STK10: variants seen among roughly 807,000 people sequenced by gnomAD.
STK10 encodes serine/threonine kinase 10.
STK10 carries 78 observed loss-of-function variants against 113.8 expected under a neutral mutation model. That is an observed-to-expected ratio of 0.69 (90% CI 0.57 to 0.83). STK10 has a LOEUF of 0.83. Among genes scored for constraint, STK10 ranks in the 40% least tolerant of loss-of-function variants. The probability of loss-of-function intolerance (pLI) is 0.00; values close to 1 mark genes in which losing one functional copy is unlikely to be tolerated. For missense variants in STK10, 1,109 were observed against 1,280.1 expected (o/e 0.87, Z 2.04); for synonymous variants, 465 against 494.7 (o/e 0.94, Z 0.80).
In STK10 at chr5:172,178,257, C is replaced by T. The variant is rs192567765; in HGVS notation, c.156+9630G>A. ...CCGCGTGGGGGCCACACCGTGTGGC[C>T]CCATCCTCAGGCCACATCAGGCCGC... is the stretch of plus-strand genomic sequence containing the variant. On this transcript the variant is annotated intron_variant, in intron 1 of 18. Transcript: ENST00000176763. Among the ~76,000 whole-genome samples the T allele has an allele frequency of 2.3e-3, 345 of 152,244 alleles. 2 individuals carry two copies. The highest frequency in any genetic ancestry group is 6.8e-3 in the South Asian group (33 of 4,826).
chr5:172,112,951 T>C (rs1268519028), intron 4 of STK10, among the ~76,000 whole-genome samples: 1 of 151,902 alleles, frequency 6.6e-6, no homozygotes, highest in Non-Finnish European at 1.5e-5. Context: ...TTTCATCATG[T>C]TGGTCAGGCT....
chr5:172,095,647 G>A (rs1440366865), intron 8 of STK10, among the ~76,000 whole-genome samples: 1 of 152,232 alleles, frequency 6.6e-6, no homozygotes, highest in Non-Finnish European at 1.5e-5. Flanking sequence ...CTTCACCCTG[G>A]TGAGGGTCTG....
At chr5:172,161,673 G>C (rs953729373) in intron 1 of STK10, among the ~76,000 whole-genome samples, 2 of 152,152 alleles carry the variant, frequency 1.3e-5, no homozygotes, top group Admixed American at 1.3e-4. Flanking sequence ...TCTGCATGCA[G>C]CACTAGGCAG....
chr5:172,061,229 GC>G lies in STK10; in HGVS notation c.2121del (p.Glu707AspfsTer4). On this transcript the variant is annotated frameshift_variant, in exon 14 of 19. Coordinates refer to ENST00000176763, the MANE Select transcript of STK10 (RefSeq NM_005990.4). LOFTEE classifies it high-confidence loss of function. The stretch of plus-strand genomic sequence containing the variant: ...TCGGTGGTGAGCCTCTTCATGGCCA[GC>G]TCCAGGTCCTCCTTCTGCTTGGCTA... ...DFVAKQKEDL[E>X]LAMKRLTTDN... The G allele has an allele frequency of 6.2e-7, 1 of 1,613,278 alleles. No individual in the cohort carries two copies. The highest frequency in any genetic ancestry group is 1.3e-5 in the African/African-American group (1 of 74,914).
At chr5:172,102,449 C>G (rs893697510) in intron 7 of STK10, among the ~76,000 whole-genome samples, 1 of 152,194 alleles carries the variant, frequency 6.6e-6, no homozygotes, top group Non-Finnish European at 1.5e-5. Context: ...GGGGAGTCAA[C>G]AGCTGGACGC....
intron 2 of STK10, among the ~76,000 whole-genome samples, chr5:172,151,088 G>A (rs561880383): frequency 4.6e-5 from 7 of 152,392 alleles, no homozygotes; most frequent in East Asian, 3.9e-4. Context: ...GGAGAGGCAC[G>A]ATGAAGGTGA....
intron 1 of STK10, among the ~76,000 whole-genome samples, chr5:172,165,910 C>T (rs1770562594): frequency 6.6e-6 from 1 of 152,022 alleles, no homozygotes; most frequent in Non-Finnish European, 1.5e-5. Context: ...TCTCCTGCCT[C>T]AGCCTCCCGA....
At chr5:172,055,559 CT>C in intron 16 of STK10, 28 bp downstream of exon 16, 2 of 1,425,902 alleles carry the variant, frequency 1.4e-6, no homozygotes, top group South Asian at 1.6e-5. Context: ...CCCCAGCACA[CT>C]TGCAGACCCC....
chr5:172,169,825 C>T (rs560344682), intron 1 of STK10, among the ~76,000 whole-genome samples: 32 of 152,262 alleles, frequency 2.1e-4, no homozygotes, highest in Admixed American at 1.2e-3. Context: ...AAATTTCTAT[C>T]GAGCAATTTG....
At chr5:172,136,597 AAAATAAATAAAT>A (rs58897747) in intron 2 of STK10, among the ~76,000 whole-genome samples, 18 of 151,240 alleles carry the variant, frequency 1.2e-4, no homozygotes, top group Non-Finnish European at 2.2e-4. Flanking sequence ...ACTCCGTCTC[AAAATAAATAAAT>A]AAATAAATAA....
chr5:172,060,377 A>C (rs1328222018), intron 14 of STK10, among the ~76,000 whole-genome samples: 1 of 152,228 alleles, frequency 6.6e-6, no homozygotes, highest in East Asian at 1.9e-4. Flanking sequence ...ACTGCACTCC[A>C]GCCTTGGCTA....
At chr5:172,098,172 C>G (rs1295987833) in intron 7 of STK10, among the ~76,000 whole-genome samples, 1 of 152,216 alleles carries the variant, frequency 6.6e-6, no homozygotes, top group East Asian at 1.9e-4. Flanking sequence ...TTTCTAGCAC[C>G]TGGAAAACAC....
chr5:172,149,218 G>GA (rs1245570998), intron 2 of STK10, among the ~76,000 whole-genome samples: 5 of 152,020 alleles, frequency 3.3e-5, no homozygotes, highest in Non-Finnish European at 7.4e-5. Flanking sequence ...AGATAGTCAG[G>GA]AAACAGCCCA....
intron 3 of STK10, among the ~76,000 whole-genome samples, chr5:172,127,066 G>C (rs1400451605): frequency 6.6e-6 from 1 of 152,174 alleles, no homozygotes; most frequent in African/African-American, 2.4e-5. Flanking sequence ...TACTCAGGAG[G>C]CTGAGGCAGG....
intron 1 of STK10, among the ~76,000 whole-genome samples, chr5:172,160,202 G>A (rs1232584006): frequency 1.4e-5 from 2 of 147,866 alleles, no homozygotes; most frequent in Non-Finnish European, 1.5e-5. Context: ...AGCCAGGTGC[G>A]GTGGTTCATG....
intron 9 of STK10, chr5:172,092,375 G>A (rs1415808474): frequency 6.6e-6 from 1 of 152,088 alleles, no homozygotes; most frequent in African/African-American, 2.4e-5. Context: ...GAAGAGCAGG[G>A]GAGCCCCTGC....
chr5:172,048,526 G>A (rs1205026426), intron 18 of STK10, among the ~76,000 whole-genome samples: 1 of 151,830 alleles, frequency 6.6e-6, no homozygotes, highest in Admixed American at 6.6e-5. Flanking sequence ...AAGATGGCTT[G>A]CCCAAGATCC....
chr5:172,104,059 C>T (rs935206741), intron 7 of STK10, among the ~76,000 whole-genome samples: 2 of 152,242 alleles, frequency 1.3e-5, no homozygotes, highest in East Asian at 3.8e-4. Flanking sequence ...AGAATGCCGA[C>T]CACAGGCCCA....
chr5:172,061,046 C>T (rs1398778256), intron 14 of STK10, 93 bp downstream of exon 14: 1 of 1,485,282 alleles, frequency 6.7e-7, no homozygotes, highest in Non-Finnish European at 8.9e-7. Flanking sequence ...TGGAGAAGGC[C>T]TGGGAGGTTC....
Sources: allele counts gnomAD v4.1 joint callset (sites outside exome capture counted in the v4.1 genomes callset), GRCh38; gene constraint gnomAD v4.1.1; transcripts MANE v1.5; gene names NCBI Gene and HGNC (gene_info 2026-07-23, HGNC 2026-07-21).